The following POFUT3 variants were observed in gnomAD, a reference collection of about 807,000 sequenced individuals.
POFUT3 encodes the protein GDP-fucose protein O-fucosyltransferase 3.
chr8:33,453,138 C>T, the POFUT3 span: 1 of 1,450,302 alleles, frequency 6.9e-7, no homozygotes, highest in Non-Finnish European at 9.6e-7. Context: ...TCCACCATCA[C>T]TTTTCAGAGG....
At chr8:33,340,529 C>T in the POFUT3 span, among the ~76,000 whole-genome samples, 32 of 151,700 alleles carry the variant, frequency 2.1e-4, 1 homozygote, top group East Asian at 4.1e-3. Flanking sequence ...TACACGCTGC[C>T]CATAAGAAAT....
the POFUT3 span, among the ~76,000 whole-genome samples, chr8:33,376,883 G>T: frequency 6.6e-6 from 1 of 152,176 alleles, no homozygotes; most frequent in Non-Finnish European, 1.5e-5. Flanking sequence ...CTATTGGCTG[G>T]TAGGTACAGA....
At chr8:33,331,776 C>A in the POFUT3 span, among the ~76,000 whole-genome samples, 2 of 151,912 alleles carry the variant, frequency 1.3e-5, no homozygotes, top group Non-Finnish European at 2.9e-5. Context: ...CCCGGGTTCA[C>A]GCCATTCTCC....
At chr8:33,347,842 C>T in the POFUT3 span, among the ~76,000 whole-genome samples, 2 of 152,100 alleles carry the variant, frequency 1.3e-5, no homozygotes, top group Admixed American at 6.6e-5. Flanking sequence ...GCATACCAGA[C>T]TAACATAAGA....
At chr8:33,316,390 T>C in the POFUT3 span, among the ~76,000 whole-genome samples, 1 of 151,892 alleles carries the variant, frequency 6.6e-6, no homozygotes, top group Non-Finnish European at 1.5e-5. Context: ...AAAATAATAT[T>C]AGAAAGGTCT....
the POFUT3 span, among the ~76,000 whole-genome samples, chr8:33,355,116 C>A: frequency 6.6e-6 from 1 of 152,212 alleles, no homozygotes; most frequent in Non-Finnish European, 1.5e-5. Flanking sequence ...GAGACCACCA[C>A]ACCTAGGCTT....
chr8:33,466,502 G>A, the POFUT3 span, among the ~76,000 whole-genome samples: 1 of 151,792 alleles, frequency 6.6e-6, no homozygotes, highest in Non-Finnish European at 1.5e-5. Flanking sequence ...GAGAAAAGAA[G>A]GGCAGGGCAG....
At chr8:33,347,657 C>G in the POFUT3 span, among the ~76,000 whole-genome samples, 1 of 152,164 alleles carries the variant, frequency 6.6e-6, no homozygotes, top group African/African-American at 2.4e-5. Context: ...TTGATGGATT[C>G]TGCCGGGCAC....
At chr8:33,448,179 A>G in the POFUT3 span, among the ~76,000 whole-genome samples, 1 of 141,056 alleles carries the variant, frequency 7.1e-6, no homozygotes, top group African/African-American at 2.5e-5. Context: ...CGTCTCTACA[A>G]AAAAAAATTT....
the POFUT3 span, among the ~76,000 whole-genome samples, chr8:33,406,713 G>A: frequency 6.6e-6 from 1 of 151,950 alleles, no homozygotes; most frequent in African/African-American, 2.4e-5. Flanking sequence ...CTGCAGGTAT[G>A]CACCACCACA....
the POFUT3 span, among the ~76,000 whole-genome samples, chr8:33,426,106 T>C: frequency 5.2e-4 from 79 of 152,084 alleles, no homozygotes; most frequent in African/African-American, 1.1e-3. Flanking sequence ...GGTTTCGCCA[T>C]GTTGGCCAGG....
At chr8:33,456,367 T>G in the POFUT3 span, among the ~76,000 whole-genome samples, 1 of 152,148 alleles carries the variant, frequency 6.6e-6, no homozygotes, top group African/African-American at 2.4e-5. Flanking sequence ...TTTTATTTTT[T>G]TATTTTTTGA....
chr8:33,361,919 T>C, the POFUT3 span, among the ~76,000 whole-genome samples: 1 of 151,964 alleles, frequency 6.6e-6, no homozygotes, highest in African/African-American at 2.4e-5. Context: ...TAAAAAAAAA[T>C]GATTTTTAAA....
the POFUT3 span, among the ~76,000 whole-genome samples, chr8:33,379,980 CTA>C: frequency 7.0e-4 from 56 of 79,996 alleles, 3 homozygotes; most frequent in African/African-American, 3.3e-3. Flanking sequence ...TATATACACT[CTA>C]TATATATAGT....
chr8:33,452,396 T>C, the POFUT3 span: 1 of 152,132 alleles, frequency 6.6e-6, no homozygotes, highest in African/African-American at 2.4e-5. Flanking sequence ...TTATTGGACC[T>C]TTAGGTTACT....
At chr8:33,411,366 C>T in the POFUT3 span, among the ~76,000 whole-genome samples, 153 of 152,348 alleles carry the variant, frequency 1.0e-3, 6 homozygotes, top group South Asian at 0.029. Context: ...CCCTAGCAGA[C>T]CTGCTGAAAA....
At chr8:33,391,969 C>G in the POFUT3 span, among the ~76,000 whole-genome samples, 1 of 152,118 alleles carries the variant, frequency 6.6e-6, no homozygotes, top group African/African-American at 2.4e-5. Flanking sequence ...CAGAAAGACA[C>G]AAAGCCTGCC....
At chr8:33,385,307 A>G in the POFUT3 span, among the ~76,000 whole-genome samples, 1 of 152,220 alleles carries the variant, frequency 6.6e-6, no homozygotes, top group Non-Finnish European at 1.5e-5. Flanking sequence ...TTGAATCTAC[A>G]GAACTGTAAC....
chr8:33,427,809 T>C, the POFUT3 span, among the ~76,000 whole-genome samples: 1 of 151,950 alleles, frequency 6.6e-6, no homozygotes, highest in African/African-American at 2.4e-5. Context: ...AAAGCAAGCT[T>C]TGGGGTTGGC....
Sources: gnomAD v4.1 joint callset for allele counts (sites outside exome capture counted in the v4.1 genomes callset) on GRCh38, gnomAD v4.1.1 for gene constraint, MANE v1.5 for transcripts, NCBI Gene and HGNC (gene_info 2026-07-23, HGNC 2026-07-21) for gene names.